The following DNAH14 variants were observed in gnomAD, a reference collection of about 807,000 sequenced individuals.
DNAH14 encodes the protein dynein axonemal heavy chain 14.
Under a neutral mutation model 520.9 loss-of-function variants are expected in DNAH14, and 478 were observed. That is an observed-to-expected ratio of 0.92 (90% CI 0.85 to 0.99). DNAH14 has a LOEUF of 0.99. Ranked by LOEUF, DNAH14 falls within the 50% of genes least tolerant of loss-of-function variation. DNAH14 has a pLI of 0.00. For missense variants in DNAH14, 4,831 were observed against 5,234.5 expected (o/e 0.92, Z 2.38); for synonymous variants, 1,581 against 1,757.2 (o/e 0.90, Z 2.51).
At chr1:225,082,062 G>A (rs1268184700) in intron 19 of DNAH14, among the ~76,000 whole-genome samples, 3 of 151,966 alleles carry the variant, frequency 2.0e-5, no homozygotes, top group Non-Finnish European at 4.4e-5. Flanking sequence ...TTCGAGGCCA[G>A]GAGTTTGAGA....
chr1:225,138,288 C>T (rs1156800653), intron 27 of DNAH14, among the ~76,000 whole-genome samples: 1 of 152,232 alleles, frequency 6.6e-6, no homozygotes, highest in East Asian at 1.9e-4. Context: ...CACAGCCTGC[C>T]AGCTGCAACA....
At position 225,090,268 on chromosome 1, in the gene DNAH14, A is replaced by G. The variant is rs531935176; in HGVS notation, c.3573+4479A>G. Among the ~76,000 whole-genome samples, 4 of 152,270 alleles carry G rather than the reference A, an allele frequency of 2.6e-5. No individual in the cohort carries two copies. In the South Asian group the frequency reaches 8.3e-4, roughly 32 times the overall value. On this transcript the variant is annotated intron_variant, in intron 21 of 85. Transcript: ENST00000682510. ...AGAAGACTTAAAAAATGGAAGATAC[A>G]TTGTGTTCATCCATTGAAAGACCTA...
chr1:224,968,848 G>A lies in DNAH14; in HGVS notation c.741G>A (p.Arg247=). 6.5e-7 allele frequency: 1 copy of A among 1,542,604 alleles called. No homozygotes were observed. The highest frequency in any genetic ancestry group is 8.7e-7 in the Non-Finnish European group (1 of 1,143,900). Residue 247 remains arginine, a synonymous_variant, in exon 7 of 86, where the codon CGG becomes CGA. Coordinates refer to ENST00000682510, the MANE Select transcript of DNAH14 (RefSeq NM_001367479.1). ...AAAGAAGACATTACTATTTATTACG[G>A]CAATTCAAGATATTTTCTGATTTCC... ...LSERRHYYLL[R]QFKIFSDFRM...
chr1:225,229,692 C>T (rs1342286787), intron 41 of DNAH14, among the ~76,000 whole-genome samples: 2 of 152,010 alleles, frequency 1.3e-5, no homozygotes, highest in Admixed American at 1.3e-4. Context: ...ACCACATGTT[C>T]TCACTCATAA....
Position 225,340,480 on chromosome 1 carries a change from A to T in DNAH14, c.10457A>T (p.Asp3486Val). The T allele has an allele frequency of 6.4e-7, 1 of 1,550,940 alleles. No individual in the cohort carries two copies. Among genetic ancestry groups the T allele is most frequent in the Non-Finnish European group, 8.7e-7 (1 of 1,146,506 alleles). Residue 3486 changes from aspartate to valine, a missense_variant, in exon 69 of 86, where the codon GAC becomes GTC. Coordinates refer to ENST00000682510, the MANE Select transcript of DNAH14 (RefSeq NM_001367479.1). ...AGGTTATACTTATCTACAGAAATAG[A>T]CAACCCCCATTTTCTTCCATCAGTT... is the stretch of plus-strand genomic sequence containing the variant. ...NFRLYLSTEI[D>V]NPHFLPSVYN...
At chr1:225,303,012 C>T in intron 56 of DNAH14, 144 bp from the exon 57 acceptor site, 2 of 611,706 alleles carry the variant, frequency 3.3e-6, no homozygotes, top group South Asian at 3.0e-5. Context: ...CTGTTTATGG[C>T]AGGCACTCCA....
At chr1:225,092,224 T>C (rs950661879) in intron 21 of DNAH14, among the ~76,000 whole-genome samples, 2 of 152,076 alleles carry the variant, frequency 1.3e-5, no homozygotes, top group East Asian at 1.9e-4. Flanking sequence ...ATGGACCTAA[T>C]AGAAATCTAC....
rs188496398 is a variant in DNAH14 at position 225,152,718 on chromosome 1, C to G, written c.5031C>G (p.Leu1677=). The change falls in exon 33 of 86, where the codon CTC becomes CTG. Residue 1677 remains leucine (L), a synonymous_variant. Coordinates refer to ENST00000682510, the MANE Select transcript of DNAH14 (RefSeq NM_001367479.1). ...TCAGATACGGAGGTGGAGTAGAGCT[C>G]CCAGATAACTTAAAATCTCTGTTTC... The part of the protein sequence containing the change: ...MNPRYGGGVE[L]PDNLKSLFRP... The G allele has an allele frequency of 3.0e-3, 4,654 of 1,549,856 alleles. 45 individuals are homozygous for G. In the Middle Eastern group the frequency reaches 0.032, roughly 11 times the overall value.
chr1:224,971,342 ATAAC>A (rs2061491476), intron 7 of DNAH14, among the ~76,000 whole-genome samples: 1 of 152,218 alleles, frequency 6.6e-6, no homozygotes, highest in South Asian at 2.1e-4. Context: ...AATAGCTTAA[ATAAC>A]TAAGGACCTG....
intron 27 of DNAH14, among the ~76,000 whole-genome samples, chr1:225,125,231 T>C (rs1559034791): frequency 6.6e-6 from 1 of 152,114 alleles, no homozygotes; most frequent in Non-Finnish European, 1.5e-5. Context: ...CAATTTAGAG[T>C]CACAGGTTGC....
chr1:225,244,779 G>A (rs1453733159), intron 43 of DNAH14, among the ~76,000 whole-genome samples: 1 of 151,982 alleles, frequency 6.6e-6, no homozygotes, highest in Admixed American at 6.6e-5. Flanking sequence ...TATCTATTTT[G>A]TTAATCTTTT....
At chr1:225,258,460 G>A (rs944135433) in intron 45 of DNAH14, among the ~76,000 whole-genome samples, 13 of 152,136 alleles carry the variant, frequency 8.5e-5, no homozygotes, top group African/African-American at 3.1e-4. Flanking sequence ...CATTCAATGG[G>A]ATTCCCCAAT....
At chr1:225,268,296 T>C (rs2093193525) in intron 49 of DNAH14, among the ~76,000 whole-genome samples, 1 of 152,088 alleles carries the variant, frequency 6.6e-6, no homozygotes, top group Non-Finnish European at 1.5e-5. Flanking sequence ...TGCTAAACAC[T>C]CTCAATAAAT....
chr1:225,334,332 A>T (rs1243563470), intron 66 of DNAH14, among the ~76,000 whole-genome samples: 8 of 152,124 alleles, frequency 5.3e-5, no homozygotes, highest in Non-Finnish European at 1.0e-4. Flanking sequence ...CTAAAAAAAA[A>T]TTAAAAAATT....
In DNAH14 at chr1:225,074,067, T is replaced by G. The variant is rs1447800208; in HGVS notation, c.2425-5140T>G. 2.2e-5 allele frequency among the ~76,000 whole-genome samples: 3 copies of G among 138,082 alleles called. No individual in the cohort carries two copies. In the East Asian group the frequency reaches 7.0e-4, roughly 32 times the overall value. 90.6% of individuals were successfully genotyped at this position (138,082 alleles called of 152,430 possible). A position where few individuals can be genotyped will look rare whatever the true frequency, so the allele number is the denominator to read the frequency against. ...CAGGCTGGAGTGCAGTAGTGGGATCTCGGCTCACTGCAAGCTCCGCCTCCC... is the reference window on the plus strand; with the variant it reads ...CAGGCTGGAGTGCAGTAGTGGGATCGCGGCTCACTGCAAGCTCCGCCTCCC... On this transcript the variant is annotated intron_variant, in intron 17 of 85. Transcript: ENST00000682510.
chr1:225,002,795 C>T lies in DNAH14; in HGVS notation c.843C>T (p.Tyr281=), dbSNP rs534516405. The change falls in exon 9 of 86, where the codon TAC becomes TAT. Residue 281 remains tyrosine, a synonymous_variant. Coordinates refer to ENST00000682510, the MANE Select transcript of DNAH14 (RefSeq NM_001367479.1). ...TTTTAACTTTCAGGTCATTTTTGTA[C>T]CACCATCTTTTTTTGGCTGATGACT... ...IKTEKSRSFL[Y]HHLFLADDLF... is the part of the protein sequence containing the mutation. 5.4e-5 allele frequency: 83 copies of T among 1,548,234 alleles called. 1 individual carries two copies. In the South Asian group the frequency reaches 6.5e-4, roughly 12 times the overall value.
intron 17 of DNAH14, among the ~76,000 whole-genome samples, chr1:225,074,593 A>G (rs1002735556): frequency 2.6e-5 from 4 of 151,944 alleles, no homozygotes; most frequent in East Asian, 1.9e-4. Flanking sequence ...TCTAATCTCT[A>G]TCACATGGAG....
rs2064274408 is a variant in DNAH14, at chr1:225,007,543, A to T, written c.1106A>T (p.Lys369Met). ...TCAGAGATGAAAAGTACTTTTCTAAAGGTAATTCTTTAATTATATCATATT... is the reference window on the plus strand; with the variant it reads ...TCAGAGATGAAAAGTACTTTTCTAATGGTAATTCTTTAATTATATCATATT... ...AISEMKSTFLKVAEKNEIKEY... is the reference protein window; with the variant it reads ...AISEMKSTFLMVAEKNEIKEY... The change falls in exon 10 of 86, where the codon AAG (lysine) becomes ATG (methionine). Residue 369 changes from lysine to methionine, a missense_variant and splice_region_variant. Transcript: ENST00000682510. 2.0e-6 allele frequency: 3 copies of T among 1,519,588 alleles called. No homozygotes were observed. Among genetic ancestry groups the T allele is most frequent in the Non-Finnish European group, 2.7e-6 (3 of 1,130,444 alleles). The allele number at this position is 1,519,588 out of a possible 1,614,324, so 94.1% of individuals were successfully genotyped here. A position where few individuals can be genotyped will look rare whatever the true frequency, so the allele number is the denominator to read the frequency against.
At chr1:225,239,284 GCT>G (rs1421909033) in intron 42 of DNAH14, among the ~76,000 whole-genome samples, 1 of 152,144 alleles carries the variant, frequency 6.6e-6, no homozygotes, top group Non-Finnish European at 1.5e-5. Context: ...ATTCCCCACA[GCT>G]CTGTGTGTGG....
Sources: gnomAD v4.1 joint callset for allele counts (sites outside exome capture counted in the v4.1 genomes callset) on GRCh38, gnomAD v4.1.1 for gene constraint, MANE v1.5 for transcripts, NCBI Gene and HGNC (gene_info 2026-07-23, HGNC 2026-07-21) for gene names.